N4BP2: variants seen among roughly 807,000 people sequenced by gnomAD.
N4BP2 encodes NEDD4-binding protein 2.
In N4BP2, 91 loss-of-function variants were observed where a neutral mutation model predicts 152.8. That is an observed-to-expected ratio of 0.60 (90% CI 0.50 to 0.71). N4BP2 has a LOEUF of 0.71. Among genes scored for constraint, N4BP2 ranks in the 30% least tolerant of loss-of-function variants. N4BP2 has a pLI of 0.00. For synonymous variants in N4BP2, 646 were observed against 705.3 expected (o/e 0.92, Z 1.33); for missense variants, 1,923 against 2,059.1 (o/e 0.93, Z 1.28).
rs184427463 is a variant in N4BP2 at position 40,106,897 on chromosome 4, C to T, written c.1374-3C>T. ...TGAAAATTATTTCATTTATCTTTCA[C>T]AGGACTTTGCAAGAGGATAATCCAA... is the stretch of plus-strand genomic sequence containing the variant. On this transcript the variant is annotated splice_region_variant and splice_polypyrimidine_tract_variant and intron_variant, in intron 4 of 17. Coordinates refer to ENST00000261435, the MANE Select transcript of N4BP2 (RefSeq NM_018177.6). 20 of 1,598,466 alleles carry T rather than the reference C, an allele frequency of 1.3e-5. 1 individual carries two copies. In the South Asian group the frequency reaches 1.5e-4, roughly 12 times the overall value.
chr4:40,072,649 G>A (rs1306291871), intron 1 of N4BP2, among the ~76,000 whole-genome samples: 1 of 151,206 alleles, frequency 6.6e-6, no homozygotes, highest in Non-Finnish European at 1.5e-5. Context: ...ACCCCCCCAG[G>A]CCTCCCAAAG....
At chr4:40,071,166 G>A (rs1056453451) in intron 1 of N4BP2, among the ~76,000 whole-genome samples, 1 of 151,924 alleles carries the variant, frequency 6.6e-6, no homozygotes, top group African/African-American at 2.4e-5. Flanking sequence ...TCTCTACTCT[G>A]CCTCTCCTTC....
At chr4:40,165,571 G>A in the N4BP2 span, among the ~76,000 whole-genome samples, 1 of 152,086 alleles carries the variant, frequency 6.6e-6, no homozygotes, top group South Asian at 2.1e-4. Flanking sequence ...GAAGCAAGGT[G>A]CAAAAGGGTA....
intron 13 of N4BP2, among the ~76,000 whole-genome samples, chr4:40,136,191 A>G (rs1410695334): frequency 1.3e-5 from 2 of 152,130 alleles, no homozygotes; most frequent in African/African-American, 2.4e-5. Context: ...AATTTGACAC[A>G]ATAAAAATGT....
chr4:40,119,807 T>C (rs757327503), intron 8 of N4BP2, 125 bp from the exon 9 acceptor site: 22 of 492,374 alleles, frequency 4.5e-5, no homozygotes, highest in Non-Finnish European at 6.9e-5. Flanking sequence ...AATTTTAATG[T>C]AATTTATTTA....
At chr4:40,067,063 T>G (rs1711589860) in intron 1 of N4BP2, among the ~76,000 whole-genome samples, 2 of 147,638 alleles carry the variant, frequency 1.4e-5, no homozygotes, top group Admixed American at 1.4e-4. Context: ...CCTTTTTTTT[T>G]TTTTTTTTTT....
intron 7 of N4BP2, 53 bp downstream of exon 7, chr4:40,113,561 G>A: frequency 8.0e-7 from 1 of 1,255,054 alleles, no homozygotes; most frequent in Non-Finnish European, 1.2e-6. Flanking sequence ...AGACAGACAA[G>A]GTCCGTTTAG....
chr4:40,094,932 T>C (rs916887788), intron 2 of N4BP2, among the ~76,000 whole-genome samples: 16 of 152,130 alleles, frequency 1.1e-4, no homozygotes, highest in African/African-American at 3.9e-4. Context: ...TAGCCGGGAC[T>C]ACAGGTTAGT....
At chr4:40,084,434 A>AT (rs112515359) in intron 2 of N4BP2, among the ~76,000 whole-genome samples, 41,382 of 141,322 alleles carry the variant, frequency 0.29, 6,192 homozygotes, top group South Asian at 0.48. Flanking sequence ...CTGGTTTGAG[A>AT]TTTTTTTTTT....
In N4BP2 at chr4:40,102,833, A is replaced by C; in HGVS notation, c.988A>C (p.Lys330Gln). The C allele has an allele frequency of 6.2e-7, 1 of 1,614,126 alleles. No homozygotes were observed. Among genetic ancestry groups the C allele is most frequent in the Non-Finnish European group, 8.5e-7 (1 of 1,180,014 alleles). The change falls in exon 4 of 18, where the codon AAA (lysine) becomes CAA (glutamine). Residue 330 changes from lysine to glutamine, a missense_variant. Lys to Gln is a moderately conservative substitution (Grantham distance 53). Transcript: ENST00000261435. ...PSEGFNFKPH[K>Q]HPELPTKGKD... ...CGAAGGGTTCAACTTCAAGCCACAC[A>C]AACATCCTGAACTGCCAACTAAGGG...
intron 12 of N4BP2, among the ~76,000 whole-genome samples, chr4:40,128,375 T>C (rs1718614801): frequency 6.6e-6 from 1 of 152,212 alleles, no homozygotes; most frequent in East Asian, 1.9e-4. Context: ...AAATTTATCT[T>C]GGTTAACTAA....
rs528859285 is a variant in N4BP2 at position 40,101,974 on chromosome 4, T to A, written c.230-101T>A. The A allele has an allele frequency of 1.1e-5, 8 of 713,742 alleles. No homozygotes were observed. The East Asian group carries it at 2.2e-4, about 20-fold the overall frequency. 44.2% of individuals were successfully genotyped at this position (713,742 alleles called of 1,614,324 possible). A position where few individuals can be genotyped will look rare whatever the true frequency, so the allele number is the denominator to read the frequency against. ...TATTGTACATTTATATTCTGTTCAA[T>A]GCAAAATCCAATATAATTTTAGCTG... On this transcript the variant is annotated intron_variant, in intron 3 of 17. Transcript: ENST00000261435.
At chr4:40,101,943 C>A in intron 3 of N4BP2, 132 bp from the exon 4 acceptor site, 1 of 503,644 alleles carries the variant, frequency 2.0e-6, no homozygotes, top group Non-Finnish European at 3.2e-6. Flanking sequence ...TTAAAAATAA[C>A]ATGAATATTG....
At chr4:40,168,641 C>A in the N4BP2 span, among the ~76,000 whole-genome samples, 1 of 151,266 alleles carries the variant, frequency 6.6e-6, no homozygotes, top group Non-Finnish European at 1.5e-5. Flanking sequence ...AAATAGGAGA[C>A]CACAGAAATC....
intron 2 of N4BP2, among the ~76,000 whole-genome samples, chr4:40,094,884 C>G (rs1714965245): frequency 6.6e-6 from 1 of 151,798 alleles, no homozygotes; most frequent in Middle Eastern, 3.2e-3. Context: ...ACCTCTGTCT[C>G]CTGGGTTCAA....
Position 40,112,157 on chromosome 4 carries a change from A to G in N4BP2, c.1572A>G (p.Lys524=). 1.3e-6 allele frequency: 2 copies of G among 1,569,318 alleles called. No individual in the cohort carries two copies. The highest frequency in any genetic ancestry group is 2.3e-5 in the East Asian group (1 of 44,270). ...DNTNLQAWEM[K]PYVALSQKHK... is the part of the protein sequence containing the mutation. The stretch of plus-strand genomic sequence containing the variant: ...CAAACCTACAGGCATGGGAAATGAA[A>G]CCATATGTTGCTTTGGTTAGTACCA... Residue 524 remains lysine, a synonymous_variant, in exon 6 of 18, where the codon AAA becomes AAG. Coordinates refer to ENST00000261435, the MANE Select transcript of N4BP2 (RefSeq NM_018177.6).
intron 5 of N4BP2, among the ~76,000 whole-genome samples, chr4:40,109,162 C>T (rs145481437): frequency 1.7e-3 from 259 of 152,096 alleles, no homozygotes; most frequent in African/African-American, 5.9e-3. Flanking sequence ...CTTGGGTTTG[C>T]CATCTTCAGA....
chr4:40,088,746 C>T (rs1244580325), intron 2 of N4BP2, among the ~76,000 whole-genome samples: 4 of 151,950 alleles, frequency 2.6e-5, no homozygotes, highest in African/African-American at 4.8e-5. Context: ...TTGATCTGCC[C>T]GCCTTGGCCT....
chr4:40,105,268 T>G (rs998324345), intron 4 of N4BP2, among the ~76,000 whole-genome samples: 1 of 151,762 alleles, frequency 6.6e-6, no homozygotes, highest in African/African-American at 2.4e-5. Context: ...GATGATGGAG[T>G]TAAAGGAAGG....
Sources: allele counts gnomAD v4.1 joint callset (sites outside exome capture counted in the v4.1 genomes callset), GRCh38; gene constraint gnomAD v4.1.1; transcripts MANE v1.5; gene names NCBI Gene and HGNC (gene_info 2026-07-23, HGNC 2026-07-21).